Variants in PCCA observed in about 807,000 individuals in gnomAD.
PCCA encodes the protein propionyl-CoA carboxylase alpha chain, mitochondrial.
Under a neutral mutation model 101.3 loss-of-function variants are expected in PCCA, and 74 were observed. The observed-to-expected ratio is 0.73, with a 90% CI of 0.61 to 0.89. The LOEUF is 0.89. PCCA is among the 40% of genes least tolerant of loss of function. The pLI is 0.00. For synonymous variants in PCCA, 294 were observed against 313.6 expected, an observed-to-expected ratio of 0.94 and a Z score of 0.66; for missense variants, 891 against 907.0, an observed-to-expected ratio of 0.98 and a Z score of 0.23.
chr13:100,485,880 G>A (rs1186659088), intron 21 of PCCA, among the ~76,000 whole-genome samples: 5 of 152,182 alleles, frequency 3.3e-5, no homozygotes, highest in African/African-American at 2.4e-5. Flanking sequence ...TAGGAATGAG[G>A]CTTAAAGCAG....
chr13:100,191,790 A>G (rs954511730), intron 6 of PCCA, among the ~76,000 whole-genome samples: 1 of 152,228 alleles, frequency 6.6e-6, no homozygotes, highest in Non-Finnish European at 1.5e-5. Context: ...CTGCTACAAC[A>G]TTGTGAGAAT....
intron 2 of PCCA, among the ~76,000 whole-genome samples, chr13:100,110,893 C>T (rs562967833): frequency 1.1e-4 from 17 of 152,200 alleles, no homozygotes; most frequent in African/African-American, 3.4e-4. Flanking sequence ...CTGCAACCTC[C>T]GCCTCCCAGG....
chr13:100,463,762 G>A (rs569483886), intron 21 of PCCA, among the ~76,000 whole-genome samples: 38 of 152,294 alleles, frequency 2.5e-4, no homozygotes, highest in African/African-American at 9.1e-4. Context: ...GGAGCTCCAG[G>A]AAATGCCCAC....
intron 6 of PCCA, among the ~76,000 whole-genome samples, chr13:100,179,210 C>A (rs1247423956): frequency 6.6e-6 from 1 of 151,782 alleles, no homozygotes; most frequent in Admixed American, 6.6e-5. Flanking sequence ...AGTATTGCTT[C>A]CATAAATAAT....
chr13:100,443,178 C>T (rs765464260), intron 20 of PCCA, among the ~76,000 whole-genome samples: 3 of 152,078 alleles, frequency 2.0e-5, no homozygotes, highest in Non-Finnish European at 4.4e-5. Flanking sequence ...CCGTCTGTTT[C>T]TATGGGGCTC....
intron 7 of PCCA, among the ~76,000 whole-genome samples, chr13:100,231,972 G>T (rs957308335): frequency 6.6e-6 from 1 of 152,064 alleles, no homozygotes; most frequent in Admixed American, 6.5e-5. Context: ...TGTAGGTAAG[G>T]TCATACGCTA....
chr13:100,359,116 AAG>A (rs2074287524), intron 18 of PCCA, among the ~76,000 whole-genome samples: 1 of 151,556 alleles, frequency 6.6e-6, no homozygotes, highest in Non-Finnish European at 1.5e-5. Flanking sequence ...AAAAAAGAAA[AAG>A]AAAAGAAAAA....
At chr13:100,348,740 C>A (rs956160794) in intron 18 of PCCA, among the ~76,000 whole-genome samples, 1 of 59,526 alleles carries the variant, frequency 1.7e-5, no homozygotes, top group Non-Finnish European at 3.4e-5. Context: ...TTCTTTCTTT[C>A]TTTCTTTCTT....
intron 19 of PCCA, among the ~76,000 whole-genome samples, chr13:100,370,188 A>G (rs2075487671): frequency 7.3e-6 from 1 of 137,606 alleles, no homozygotes; most frequent in South Asian, 2.3e-4. Flanking sequence ...GGTTCAAGTG[A>G]TTTCTCCTGC....
intron 7 of PCCA, among the ~76,000 whole-genome samples, chr13:100,216,889 ACC>A (rs1461336306): frequency 6.7e-5 from 10 of 148,510 alleles, no homozygotes; most frequent in East Asian, 2.0e-4. Flanking sequence ...TGGGCGGATC[ACC>A]TGAGGTCAGG....
chr13:100,392,304 G>T (rs556309820), intron 19 of PCCA, among the ~76,000 whole-genome samples: 42 of 152,266 alleles, frequency 2.8e-4, no homozygotes, highest in African/African-American at 1.0e-3. Context: ...AAATTAGAAT[G>T]TTGTCTCCAA....
intron 21 of PCCA, among the ~76,000 whole-genome samples, chr13:100,477,778 G>A (rs1245879483): frequency 1.3e-5 from 2 of 152,206 alleles, no homozygotes; most frequent in Admixed American, 1.3e-4. Context: ...CAGTGGCAGA[G>A]TTACCCTTCA....
intron 12 of PCCA, among the ~76,000 whole-genome samples, chr13:100,278,302 C>A (rs2063811806): frequency 6.6e-6 from 1 of 152,004 alleles, no homozygotes. Flanking sequence ...TATTCTAGAC[C>A]AAAGAGATCT....
chr13:100,287,379 G>A (rs1197778403), intron 12 of PCCA, among the ~76,000 whole-genome samples: 1 of 151,774 alleles, frequency 6.6e-6, no homozygotes, highest in African/African-American at 2.4e-5. Flanking sequence ...AGAATCTCTG[G>A]ACTATTAGAT....
chr13:100,323,213 G>A (rs1457376974), intron 16 of PCCA, among the ~76,000 whole-genome samples: 1 of 152,200 alleles, frequency 6.6e-6, no homozygotes, highest in Non-Finnish European at 1.5e-5. Context: ...TAGGTAGGAG[G>A]CTAGATTTGG....
At chr13:100,420,113 C>A (rs1215110514) in intron 19 of PCCA, among the ~76,000 whole-genome samples, 1 of 152,160 alleles carries the variant, frequency 6.6e-6, no homozygotes, top group African/African-American at 2.4e-5. Flanking sequence ...TGTCATTTAT[C>A]ACTTCACTTT....
chr13:100,223,647 T>A (rs1328397564), intron 7 of PCCA, among the ~76,000 whole-genome samples: 1 of 152,162 alleles, frequency 6.6e-6, no homozygotes, highest in Non-Finnish European at 1.5e-5. Context: ...TTGCCACTGC[T>A]GGCTCGGGCA....
At chr13:100,305,008 A>G (rs2066343481) in intron 14 of PCCA, among the ~76,000 whole-genome samples, 1 of 152,234 alleles carries the variant, frequency 6.6e-6, no homozygotes, top group South Asian at 2.1e-4. Context: ...ATTTTTTCTT[A>G]AAGTTTTTAG....
chr13:100,112,424 C>A (rs1210023864), intron 4 of PCCA, among the ~76,000 whole-genome samples: 1 of 152,084 alleles, frequency 6.6e-6, no homozygotes, highest in Non-Finnish European at 1.5e-5. Context: ...TAAGGGAATG[C>A]TACAATTGTT....
Sources: allele counts gnomAD v4.1 joint callset (sites outside exome capture counted in the v4.1 genomes callset), GRCh38; gene constraint gnomAD v4.1.1; transcripts MANE v1.5; gene names NCBI Gene and HGNC (gene_info 2026-07-23, HGNC 2026-07-21).